The following GRID1 variants were observed in gnomAD, a reference collection of about 807,000 sequenced individuals.
GRID1 encodes glutamate ionotropic receptor delta type subunit 1.
In GRID1, 28 loss-of-function variants were observed where a neutral mutation model predicts 98.0. That is an observed-to-expected ratio of 0.29 (90% CI 0.21 to 0.39). The LOEUF (loss-of-function observed/expected upper bound fraction) is 0.39. Among genes scored for constraint, GRID1 ranks in the 10% least tolerant of loss-of-function variants. The pLI, the probability that GRID1 is intolerant of heterozygous loss-of-function variation, is 1.00. For synonymous variants in GRID1, 553 were observed against 538.5 expected (o/e 1.03, Z -0.37); for missense variants, 1,111 against 1,340.5 (o/e 0.83, Z 2.67).
intron 4 of GRID1, among the ~76,000 whole-genome samples, chr10:85,967,770 T>C (rs1842355995): frequency 6.6e-6 from 1 of 152,134 alleles, no homozygotes; most frequent in South Asian, 2.1e-4. Context: ...TTCTTGAAAG[T>C]AGCAAGAAAG....
chr10:86,102,420 G>C (rs567880059), intron 4 of GRID1, among the ~76,000 whole-genome samples: 1 of 152,350 alleles, frequency 6.6e-6, no homozygotes, highest in African/African-American at 2.4e-5. Context: ...GTTGGGCCTG[G>C]GCAGCTGAAG....
intron 12 of GRID1, among the ~76,000 whole-genome samples, chr10:85,648,298 G>C (rs1357764471): frequency 6.6e-6 from 1 of 152,096 alleles, no homozygotes; most frequent in Non-Finnish European, 1.5e-5. Context: ...CAGCAGGAAG[G>C]ACCAGTCGCT....
intron 2 of GRID1, among the ~76,000 whole-genome samples, chr10:86,236,307 T>C (rs1261840101): frequency 2.6e-5 from 4 of 152,252 alleles, no homozygotes; most frequent in African/African-American, 9.6e-5. Context: ...ATATGTGATT[T>C]GCACGTTTTT....
chr10:86,237,290 TC>T (rs1432066341), intron 2 of GRID1, among the ~76,000 whole-genome samples: 1 of 152,020 alleles, frequency 6.6e-6, no homozygotes, highest in East Asian at 1.9e-4. Flanking sequence ...CAAATTGTAA[TC>T]CCCCCAGTGT....
intron 5 of GRID1, among the ~76,000 whole-genome samples, chr10:85,912,874 C>T (rs1428493600): frequency 6.6e-6 from 1 of 152,152 alleles, no homozygotes; most frequent in African/African-American, 2.4e-5. Flanking sequence ...GCTGAGAAAC[C>T]ATTTGTCTGT....
At chr10:85,690,589 C>CA (rs1207022941) in intron 12 of GRID1, among the ~76,000 whole-genome samples, 2 of 152,124 alleles carry the variant, frequency 1.3e-5, no homozygotes, top group Non-Finnish European at 2.9e-5. Flanking sequence ...AAAAGTCTAT[C>CA]AAAAACAAAC....
At chr10:85,698,450 A>G (rs750419073) in intron 12 of GRID1, among the ~76,000 whole-genome samples, 1 of 152,178 alleles carries the variant, frequency 6.6e-6, no homozygotes, top group African/African-American at 2.4e-5. Flanking sequence ...TCACTTATCA[A>G]TGGGCATTCA....
intron 5 of GRID1, among the ~76,000 whole-genome samples, chr10:85,876,964 C>A (rs767927704): frequency 1.1e-4 from 16 of 152,372 alleles, no homozygotes; most frequent in East Asian, 7.7e-4. Flanking sequence ...TATCCTGCAC[C>A]TGGCTCGGAG....
intron 2 of GRID1, among the ~76,000 whole-genome samples, chr10:86,233,583 A>G (rs1419646395): frequency 6.6e-6 from 1 of 152,082 alleles, no homozygotes; most frequent in Non-Finnish European, 1.5e-5. Context: ...CTCACAGCCA[A>G]CATCAGACAG....
At chr10:85,720,658 G>T (rs1320429779) in intron 12 of GRID1, among the ~76,000 whole-genome samples, 1 of 144,586 alleles carries the variant, frequency 6.9e-6, no homozygotes, top group African/African-American at 2.5e-5. Context: ...AAGAAAGAAA[G>T]AAAAGAAAAG....
intron 3 of GRID1, among the ~76,000 whole-genome samples, chr10:86,143,648 G>A (rs1221728535): frequency 6.6e-6 from 1 of 152,188 alleles, no homozygotes; most frequent in African/African-American, 2.4e-5. Flanking sequence ...TGCCCCTGGG[G>A]AAGTTTGCTG....
At chr10:86,010,547 G>A (rs1177294714) in intron 4 of GRID1, among the ~76,000 whole-genome samples, 2 of 152,154 alleles carry the variant, frequency 1.3e-5, no homozygotes, top group East Asian at 3.9e-4. Context: ...GGCCGGGTAT[G>A]GTGGTTCATT....
chr10:85,812,830 A>G (rs532848335), intron 8 of GRID1, among the ~76,000 whole-genome samples: 2 of 150,566 alleles, frequency 1.3e-5, no homozygotes, highest in South Asian at 4.2e-4. Context: ...TATGTGTATT[A>G]ATATGTGTAT....
intron 13 of GRID1, among the ~76,000 whole-genome samples, chr10:85,623,138 A>C (rs2457450): frequency 0.36 from 54,933 of 151,870 alleles, 10,014 homozygotes; most frequent in Middle Eastern, 0.52. Context: ...TTCTCTTTCA[A>C]CTCCATGCTG....
chr10:85,691,976 G>C (rs181945470), intron 12 of GRID1, among the ~76,000 whole-genome samples: 202 of 152,066 alleles, frequency 1.3e-3, no homozygotes, highest in Admixed American at 1.8e-3. Flanking sequence ...CCTCTCGATA[G>C]TTCTACATCA....
intron 4 of GRID1, among the ~76,000 whole-genome samples, chr10:85,934,024 G>A (rs1841893779): frequency 1.3e-5 from 2 of 152,274 alleles, no homozygotes; most frequent in Admixed American, 6.5e-5. Flanking sequence ...TCCTCAGTGA[G>A]GGTGAATTTG....
intron 4 of GRID1, among the ~76,000 whole-genome samples, chr10:85,998,532 A>G (rs1350124333): frequency 1.3e-5 from 2 of 152,296 alleles, no homozygotes; most frequent in South Asian, 2.1e-4. Context: ...ATACTAAAAA[A>G]AAGAAAGATT....
intron 8 of GRID1, among the ~76,000 whole-genome samples, chr10:85,805,815 T>C (rs1564596049): frequency 6.6e-6 from 1 of 151,666 alleles, no homozygotes; most frequent in Non-Finnish European, 1.5e-5. Context: ...TCACAACACA[T>C]ACAAAACAAT....
chr10:85,734,510 G>A (rs1167295917), intron 8 of GRID1, among the ~76,000 whole-genome samples: 1 of 152,084 alleles, frequency 6.6e-6, no homozygotes. Context: ...CTTTAATACA[G>A]ACTTCTGTCT....
Sources: allele counts gnomAD v4.1 joint callset (sites outside exome capture counted in the v4.1 genomes callset), GRCh38; gene constraint gnomAD v4.1.1; transcripts MANE v1.5; gene names NCBI Gene and HGNC (gene_info 2026-07-23, HGNC 2026-07-21).